Variants in ITPR2 observed in about 807,000 individuals in gnomAD.
ITPR2 encodes the protein inositol 1,4,5-trisphosphate receptor type 2.
A neutral mutation model predicts 317.1 loss-of-function variants in ITPR2; 207 were observed. The ratio of observed to expected loss-of-function variants is 0.65; its 90% confidence interval spans 0.58 to 0.73. ITPR2 has a LOEUF of 0.73. ITPR2 is among the 30% of genes least tolerant of loss of function. The pLI is 0.00. For missense variants in ITPR2, 2,613 were observed against 3,284.0 expected (o/e 0.80, Z 4.99); for synonymous variants, 1,156 against 1,149.1 (o/e 1.01, Z -0.12).
chr12:26,524,312 T>C (rs1943749514), intron 37 of ITPR2, among the ~76,000 whole-genome samples: 2 of 152,332 alleles, frequency 1.3e-5, no homozygotes, highest in South Asian at 4.1e-4. Context: ...TTCCTGAACA[T>C]GAGCCACAGG....
intron 9 of ITPR2, among the ~76,000 whole-genome samples, chr12:26,701,401 T>A (rs975211093): frequency 2.6e-4 from 39 of 152,330 alleles, no homozygotes; most frequent in African/African-American, 8.9e-4. Context: ...AATGATTATA[T>A]TTATATGTTT....
intron 55 of ITPR2, among the ~76,000 whole-genome samples, chr12:26,372,406 T>C (rs1320591850): frequency 1.3e-5 from 2 of 152,224 alleles, no homozygotes; most frequent in South Asian, 4.1e-4. Context: ...TGTTAGATAA[T>C]GCAAAAACAT....
At chr12:26,621,722 T>C (rs1321412317) in intron 25 of ITPR2, among the ~76,000 whole-genome samples, 1 of 152,198 alleles carries the variant, frequency 6.6e-6, no homozygotes, top group Non-Finnish European at 1.5e-5. Context: ...ACTGCCTAAA[T>C]GATCAATACC....
chr12:26,392,410 T>G (rs1413961438), intron 54 of ITPR2, among the ~76,000 whole-genome samples: 2 of 152,114 alleles, frequency 1.3e-5, no homozygotes, highest in Admixed American at 1.3e-4. Context: ...CTTCCAAGTA[T>G]TCCTTCTTCA....
intron 21 of ITPR2, among the ~76,000 whole-genome samples, chr12:26,637,714 T>C (rs1449774926): frequency 6.6e-6 from 1 of 152,222 alleles, no homozygotes. Flanking sequence ...CATTTAATTA[T>C]GTTCCATTAT....
intron 49 of ITPR2, among the ~76,000 whole-genome samples, chr12:26,424,732 G>C (rs542511766): frequency 6.6e-6 from 1 of 151,686 alleles, no homozygotes; most frequent in East Asian, 1.9e-4. Flanking sequence ...TGGGATTACA[G>C]GCACGAGCCA....
chr12:26,672,841 G>C (rs1239181107), intron 13 of ITPR2, among the ~76,000 whole-genome samples: 1 of 151,844 alleles, frequency 6.6e-6, no homozygotes, highest in Non-Finnish European at 1.5e-5. Flanking sequence ...GAATCAAATA[G>C]ACGCAATAAA....
intron 45 of ITPR2, among the ~76,000 whole-genome samples, chr12:26,457,136 G>A (rs765912603): frequency 4.6e-5 from 7 of 152,182 alleles, no homozygotes; most frequent in Non-Finnish European, 8.8e-5. Flanking sequence ...CTATCAAAAT[G>A]TGCAAGTGCT....
At chr12:26,582,668 C>T (rs1945432282) in intron 32 of ITPR2, among the ~76,000 whole-genome samples, 1 of 152,048 alleles carries the variant, frequency 6.6e-6, no homozygotes, top group Admixed American at 6.6e-5. Context: ...ACTGTTTTCA[C>T]TTTCAGATTT....
intron 44 of ITPR2, among the ~76,000 whole-genome samples, chr12:26,476,497 G>C (rs1942419994): frequency 6.6e-6 from 1 of 152,044 alleles, no homozygotes; most frequent in Non-Finnish European, 1.5e-5. Context: ...TCACTGAGAA[G>C]AACAGCTACA....
chr12:26,510,800 T>C (rs1383382048), intron 37 of ITPR2, among the ~76,000 whole-genome samples: 1 of 152,218 alleles, frequency 6.6e-6, no homozygotes, highest in Non-Finnish European at 1.5e-5. Flanking sequence ...AACTAACACC[T>C]AGCTTAGCAG....
intron 21 of ITPR2, among the ~76,000 whole-genome samples, chr12:26,636,813 G>A (rs1008444512): frequency 4.6e-5 from 7 of 152,118 alleles, no homozygotes; most frequent in African/African-American, 1.7e-4. Context: ...CTCACAGCAC[G>A]GTGGGGGTTG....
At chr12:26,418,744 TA>T (rs1452386322) in intron 50 of ITPR2, among the ~76,000 whole-genome samples, 1 of 152,084 alleles carries the variant, frequency 6.6e-6, no homozygotes, top group Non-Finnish European at 1.5e-5. Flanking sequence ...TCTTTAAATG[TA>T]AAGGGAAATA....
chr12:26,448,330 T>G (rs942291909), intron 45 of ITPR2, among the ~76,000 whole-genome samples: 1 of 151,252 alleles, frequency 6.6e-6, no homozygotes, highest in Admixed American at 6.6e-5. Context: ...GAGTCTGAAT[T>G]TGGGCAACTG....
chr12:26,721,417 A>G (rs1948838010), intron 5 of ITPR2: 2 of 480,128 alleles, frequency 4.2e-6, no homozygotes, highest in Non-Finnish European at 7.6e-6. Context: ...TAAGACAAGA[A>G]ATATCCAAAA....
chr12:26,790,823 T>G (rs1286667067), intron 1 of ITPR2, among the ~76,000 whole-genome samples: 2 of 152,222 alleles, frequency 1.3e-5, no homozygotes, highest in Non-Finnish European at 2.9e-5. Context: ...ATCTCTGGCT[T>G]GGCCACTTCC....
In ITPR2 at chr12:26,567,982, A is replaced by ATTATATATAT. The variant is rs1387301530; in HGVS notation, c.4631-6031_4631-6030insATATATATAA. Among the ~76,000 whole-genome samples, 10 of 11,482 alleles carry ATTATATATAT rather than the reference A, an allele frequency of 8.7e-4. 1 individual carries two copies. The highest frequency in any genetic ancestry group is 1.5e-3 in the African/African-American group (6 of 3,882). 7.5% of individuals were successfully genotyped at this position (11,482 alleles called of 152,430 possible). On this transcript the variant is annotated intron_variant, in intron 34 of 56. Transcript: ENST00000381340. ...TATATATATATATTATATATATTAT[A>ATTATATATAT]TATATATATATATATTATATATATT...
intron 32 of ITPR2, among the ~76,000 whole-genome samples, chr12:26,582,486 A>G (rs146201386): frequency 4.6e-5 from 7 of 152,322 alleles, no homozygotes; most frequent in African/African-American, 1.2e-4. Context: ...TTAAAAAGCT[A>G]TATTTATTCC....
chr12:26,597,012 G>A lies in ITPR2; in HGVS notation c.4125C>T (p.His1375=), dbSNP rs2230374. The A allele has an allele frequency of 0.022, 34,992 of 1,613,934 alleles. 466 individuals are homozygous for A. The highest frequency in any genetic ancestry group is 0.026 in the Non-Finnish European group (30,605 of 1,179,930). The change falls in exon 31 of 57, where the codon CAC becomes CAT. Residue 1375 remains histidine, a synonymous_variant. Coordinates refer to ENST00000381340, the MANE Select transcript of ITPR2 (RefSeq NM_002223.4). ...CTGCCAGCAACTCCACCAGGGTGAT[G>A]TGGTAGGCTAAGGGGCCACTCTCAT... ...RGDESGPLAY[H]ITLVELLAAC...
Sources: allele counts gnomAD v4.1 joint callset (sites outside exome capture counted in the v4.1 genomes callset), GRCh38; gene constraint gnomAD v4.1.1; transcripts MANE v1.5; gene names NCBI Gene and HGNC (gene_info 2026-07-23, HGNC 2026-07-21).